The following PCNX1 variants were observed in gnomAD, a reference collection of about 807,000 sequenced individuals.
PCNX1 encodes the protein pecanex-like protein 1.
A neutral mutation model predicts 242.2 loss-of-function variants in PCNX1; 78 were observed. The observed-to-expected ratio is 0.32, with a 90% CI of 0.27 to 0.39. The LOEUF is 0.39. PCNX1 is among the 10% of genes least tolerant of loss of function. PCNX1 has a pLI of 1.00. For missense variants in PCNX1, 2,581 were observed against 2,856.5 expected (o/e 0.90, Z 2.20); for synonymous variants, 1,024 against 1,032.9 (o/e 0.99, Z 0.17).
chr14:71,080,106 C>A (rs1270235594), intron 28 of PCNX1, among the ~76,000 whole-genome samples: 1 of 152,172 alleles, frequency 6.6e-6, no homozygotes, highest in Non-Finnish European at 1.5e-5. Context: ...CCAGTTTTCC[C>A]AGCACCATTT....
intron 6 of PCNX1, among the ~76,000 whole-genome samples, chr14:70,979,531 T>C (rs1348806984): frequency 6.6e-6 from 1 of 152,092 alleles, no homozygotes; most frequent in East Asian, 1.9e-4. Flanking sequence ...ATCAGGTCTT[T>C]TGTTGTTAGT....
At chr14:71,078,507 G>A (rs573698788) in intron 28 of PCNX1, 14 of 152,238 alleles carry the variant, frequency 9.2e-5, no homozygotes, top group African/African-American at 3.4e-4. Flanking sequence ...CAAACGATAA[G>A]TATTTCTTTC....
In PCNX1 at chr14:71,013,285, A is replaced by C. The variant is rs2059872444; in HGVS notation, c.2996+83A>C. 9 of 1,047,328 alleles carry C rather than the reference A, an allele frequency of 8.6e-6. No homozygotes were observed. The East Asian group carries it at 2.1e-4, about 25-fold the overall frequency. 64.9% of individuals were successfully genotyped at this position (1,047,328 alleles called of 1,614,324 possible). A position where few individuals can be genotyped will look rare whatever the true frequency, so the allele number is the denominator to read the frequency against. On this transcript the variant is annotated intron_variant, in intron 11 of 35. Transcript: ENST00000304743. ...TCTTTAATTACCCACTGAGGTTTTT[A>C]CCTGGTTATCATGTTGGGAAATGTT...
intron 1 of PCNX1, among the ~76,000 whole-genome samples, chr14:70,922,487 G>A (rs1416259935): frequency 1.3e-5 from 2 of 151,994 alleles, no homozygotes; most frequent in African/African-American, 2.4e-5. Context: ...AAAAATAGGG[G>A]AAATGTTATA....
In PCNX1 at chr14:71,073,671, G is replaced by T. The variant is rs568989925; in HGVS notation, c.4979G>T (p.Arg1660Leu). ...TCATTTAATGCTGCATTTAGCCAGC[G>T]ATGGCTAGCTTGGGAAGTGATAGTC... ...MLSFNAAFSQRWLAWEVIVTK... is the reference protein window; with the variant it reads ...MLSFNAAFSQLWLAWEVIVTK... Residue 1660 changes from arginine to leucine, a missense_variant, in exon 27 of 36, where the codon CGA (arginine) becomes CTA (leucine). Coordinates refer to ENST00000304743, the MANE Select transcript of PCNX1 (RefSeq NM_014982.3). 6.2e-7 allele frequency: 1 copy of T among 1,614,066 alleles called. No individual in the cohort carries two copies. The highest frequency in any genetic ancestry group is 1.7e-5 in the Admixed American group (1 of 60,004).
In PCNX1 at chr14:70,943,314, G is replaced by T. The variant is rs796271203; in HGVS notation, c.154-3601G>T. Among the ~76,000 whole-genome samples the T allele has an allele frequency of 2.0e-5, 3 of 152,292 alleles. No individual in the cohort carries two copies. In the South Asian group the frequency reaches 6.2e-4, roughly 32 times the overall value. On this transcript the variant is annotated intron_variant, in intron 1 of 35. Coordinates refer to ENST00000304743, the MANE Select transcript of PCNX1 (RefSeq NM_014982.3). ...GGAACTTCCTAGAGACTTGTTGAAT[G>T]GCTTTGACCAAAATGCTGATAGTGA...
intron 16 of PCNX1, among the ~76,000 whole-genome samples, 169 bp downstream of exon 16, chr14:71,028,960 G>A (rs2060310268): frequency 6.6e-6 from 1 of 152,056 alleles, no homozygotes. Context: ...GAATTTGAAA[G>A]TAGTTTAATA....
At chr14:71,007,626 GC>G (rs1182660485) in intron 8 of PCNX1, among the ~76,000 whole-genome samples, 2 of 151,942 alleles carry the variant, frequency 1.3e-5, no homozygotes, top group Non-Finnish European at 2.9e-5. Context: ...CAATAATTCT[GC>G]ATTTATGTAA....
intron 15 of PCNX1, chr14:71,027,099 A>T: frequency 4.9e-6 from 2 of 411,898 alleles, no homozygotes; most frequent in East Asian, 8.9e-5. Flanking sequence ...GGTATAATGA[A>T]GCAGATGTTT....
intron 26 of PCNX1, 91 bp from the exon 27 acceptor site, chr14:71,073,454 T>C: frequency 2.5e-6 from 3 of 1,212,118 alleles, no homozygotes; most frequent in East Asian, 2.4e-5. Context: ...CAATAAAATA[T>C]GTATTTTTTT....
chr14:70,995,720 C>G lies in PCNX1; in HGVS notation c.2445-21C>G. ...CTCTTTTCTTCCCTGTAATGTCTCC[C>G]CAATCCATGTTTTTTCCTAGCCTTC... On this transcript the variant is annotated intron_variant, in intron 7 of 35. Transcript: ENST00000304743. The G allele has an allele frequency of 3.1e-6, 5 of 1,609,634 alleles. No individual in the cohort carries two copies. In the African/African-American group the frequency reaches 5.3e-5, roughly 17 times the overall value.
At chr14:70,964,437 GT>G (rs1199191027) in intron 3 of PCNX1, among the ~76,000 whole-genome samples, 2 of 152,064 alleles carry the variant, frequency 1.3e-5, no homozygotes, top group Non-Finnish European at 1.5e-5. Context: ...CCTTGATCCT[GT>G]TTTTTTGTTG....
intron 1 of PCNX1, among the ~76,000 whole-genome samples, chr14:70,921,688 A>G (rs906115258): frequency 5.3e-5 from 8 of 152,172 alleles, no homozygotes; most frequent in Non-Finnish European, 1.2e-4. Context: ...CTGTATATGA[A>G]GATTTTCAAA....
intron 19 of PCNX1, chr14:71,044,402 G>C (rs1239749310): frequency 1.3e-5 from 2 of 152,318 alleles, no homozygotes; most frequent in Admixed American, 6.5e-5. Context: ...GTATGAATCA[G>C]GATATGGCAG....
At chr14:71,033,909 G>GTTTTTTTTTT in intron 17 of PCNX1, 22 bp from the exon 18 acceptor site, 1 of 1,230,612 alleles carries the variant, frequency 8.1e-7, no homozygotes, top group Non-Finnish European at 1.2e-6. Flanking sequence ...TGTATTTTCT[G>GTTTTTTTTTT]TTTTTTTTTC....
intron 3 of PCNX1, among the ~76,000 whole-genome samples, chr14:70,965,691 A>G (rs1425454878): frequency 6.6e-6 from 1 of 151,540 alleles, no homozygotes; most frequent in Non-Finnish European, 1.5e-5. Context: ...AAGATAACGA[A>G]GTAAAAATTG....
chr14:71,009,335 A>G (rs1410783133), intron 8 of PCNX1, among the ~76,000 whole-genome samples: 1 of 152,212 alleles, frequency 6.6e-6, no homozygotes, highest in East Asian at 1.9e-4. Flanking sequence ...CATTCATATG[A>G]TCACCTGAAT....
At chr14:71,097,163 C>T (rs999915642) in intron 30 of PCNX1, among the ~76,000 whole-genome samples, 1 of 152,096 alleles carries the variant, frequency 6.6e-6, no homozygotes, top group Non-Finnish European at 1.5e-5. Context: ...TTTATGGCTG[C>T]GTAGTATTCC....
Position 71,055,512 on chromosome 14 carries a change from G to T in PCNX1, c.4586G>T (p.Arg1529Leu). 1 of 1,599,408 alleles carries T rather than the reference G, an allele frequency of 6.3e-7. No individual in the cohort carries two copies. ...KFWERDYNTK[R>L]VDHSNTRLAS... The stretch of plus-strand genomic sequence containing the variant: ...TGTTTTATTTTCTTTAGCACAAAAC[G>T]AGTGGATCATTCAAATACCAGATTG... The change falls in exon 25 of 36, where the codon CGA (arginine) becomes CTA (leucine). Residue 1529 changes from arginine (R) to leucine (L), a missense_variant. Arg to Leu is a moderately radical substitution (Grantham distance 102). Transcript: ENST00000304743.
Sources: allele counts gnomAD v4.1 joint callset (sites outside exome capture counted in the v4.1 genomes callset), GRCh38; gene constraint gnomAD v4.1.1; transcripts MANE v1.5; gene names NCBI Gene and HGNC (gene_info 2026-07-23, HGNC 2026-07-21).